The following SRGAP1 variants were observed in gnomAD, a reference collection of about 807,000 sequenced individuals.
SRGAP1 encodes SLIT-ROBO Rho GTPase activating protein 1.
In SRGAP1, 43 loss-of-function variants were observed where a neutral mutation model predicts 121.9. The observed-to-expected ratio is 0.35, with a 90% CI of 0.28 to 0.46. The LOEUF (loss-of-function observed/expected upper bound fraction) is 0.46. SRGAP1 is among the 20% of genes least tolerant of loss of function. SRGAP1 has a pLI of 1.00. For missense variants in SRGAP1, 1,102 were observed against 1,350.9 expected (o/e 0.82, Z 2.89); for synonymous variants, 447 against 485.4 (o/e 0.92, Z 1.04).
At chr12:64,125,691 AT>A (rs992870975) in intron 18 of SRGAP1, among the ~76,000 whole-genome samples, 11 of 151,186 alleles carry the variant, frequency 7.3e-5, no homozygotes, top group African/African-American at 1.2e-4. Flanking sequence ...AGTTTAAAGT[AT>A]TTTTTTTTGA....
intron 1 of SRGAP1, among the ~76,000 whole-genome samples, chr12:63,894,130 C>T (rs977747235): frequency 7.9e-5 from 12 of 152,220 alleles, no homozygotes; most frequent in Non-Finnish European, 1.2e-4. Flanking sequence ...TGAGCCACTA[C>T]GCCCGGTGCC....
chr12:64,134,164 A>G (rs1049645875), intron 21 of SRGAP1, among the ~76,000 whole-genome samples: 2 of 152,054 alleles, frequency 1.3e-5, no homozygotes, highest in Non-Finnish European at 2.9e-5. Flanking sequence ...GCTCATGCCT[A>G]TAATCTCAGC....
chr12:64,108,171 T>G (rs1410801693), intron 15 of SRGAP1, among the ~76,000 whole-genome samples: 1 of 152,184 alleles, frequency 6.6e-6, no homozygotes, highest in African/African-American at 2.4e-5. Context: ...TAATGTGTTG[T>G]AGTAGTAACC....
rs116329004 is a variant in SRGAP1, at chr12:63,957,295, G to A, written c.68-26652G>A. Among the ~76,000 whole-genome samples, 422 of 152,296 alleles carry A rather than the reference G, an allele frequency of 2.8e-3. 1 individual carries two copies. Among genetic ancestry groups the A allele is most frequent in the African/African-American group, 9.6e-3 (400 of 41,572 alleles). The stretch of plus-strand genomic sequence containing the variant: ...AAGACCTGGACATCAGCAGGTCAGC[G>A]CCAGTGAGCTTCCTGGGCTTCTGCC... On this transcript the variant is annotated intron_variant, in intron 1 of 21. Transcript: ENST00000355086.
chr12:63,978,285 G>T (rs1373904004), intron 1 of SRGAP1, among the ~76,000 whole-genome samples: 1 of 152,154 alleles, frequency 6.6e-6, no homozygotes, highest in Non-Finnish European at 1.5e-5. Context: ...GCATATGCCA[G>T]GTTTTGCGAC....
chr12:63,854,789 G>GT (rs1452748298), intron 1 of SRGAP1, among the ~76,000 whole-genome samples: 2 of 152,082 alleles, frequency 1.3e-5, no homozygotes, highest in African/African-American at 4.8e-5. Context: ...ATTATTTATA[G>GT]TTTTTTTGCT....
chr12:63,896,511 C>A (rs910979839), intron 1 of SRGAP1, among the ~76,000 whole-genome samples: 1 of 152,100 alleles, frequency 6.6e-6, no homozygotes, highest in African/African-American at 2.4e-5. Context: ...AATACACAGG[C>A]ATAAGGCAGA....
chr12:64,079,822 C>T (rs2035803877), intron 9 of SRGAP1, among the ~76,000 whole-genome samples: 1 of 152,000 alleles, frequency 6.6e-6, no homozygotes, highest in Admixed American at 6.6e-5. Flanking sequence ...TCCTAGGCTC[C>T]CAAGGGTTGG....
intron 1 of SRGAP1, among the ~76,000 whole-genome samples, chr12:63,933,211 A>C (rs2031542292): frequency 6.6e-6 from 1 of 152,126 alleles, no homozygotes; most frequent in Admixed American, 6.6e-5. Flanking sequence ...ATGCACATGT[A>C]TCCTAAAACT....
chr12:64,032,173 C>G (rs1373475270), intron 4 of SRGAP1, among the ~76,000 whole-genome samples: 1 of 152,158 alleles, frequency 6.6e-6, no homozygotes, highest in Non-Finnish European at 1.5e-5. Flanking sequence ...AAACAGAACT[C>G]TCCCTGGGAC....
At chr12:63,850,176 A>G (rs1309173627) in intron 1 of SRGAP1, among the ~76,000 whole-genome samples, 1 of 152,208 alleles carries the variant, frequency 6.6e-6, no homozygotes, top group Non-Finnish European at 1.5e-5. Flanking sequence ...CGCTACTGCA[A>G]CAAGGCCTTT....
At chr12:63,845,328 G>C (rs998481434) in intron 1 of SRGAP1, among the ~76,000 whole-genome samples, 1 of 152,126 alleles carries the variant, frequency 6.6e-6, no homozygotes, top group Non-Finnish European at 1.5e-5. Flanking sequence ...GCCTCATTGA[G>C]TGCAGGCTAT....
chr12:64,140,460 C>A (rs1402445336), intron 21 of SRGAP1, among the ~76,000 whole-genome samples: 8 of 148,708 alleles, frequency 5.4e-5, no homozygotes, highest in Non-Finnish European at 9.0e-5. Flanking sequence ...TCCTTCACAT[C>A]CCTTGTAAGT....
intron 18 of SRGAP1, among the ~76,000 whole-genome samples, chr12:64,117,601 C>G (rs955009949): frequency 6.6e-6 from 1 of 151,924 alleles, no homozygotes; most frequent in South Asian, 2.1e-4. Context: ...ATAAATAATT[C>G]TCCTATATTC....
intron 1 of SRGAP1, among the ~76,000 whole-genome samples, chr12:63,894,592 A>G (rs972076126): frequency 4.0e-5 from 6 of 151,744 alleles, no homozygotes; most frequent in Admixed American, 2.6e-4. Context: ...CATTTACATT[A>G]GTTATATCTC....
intron 1 of SRGAP1, among the ~76,000 whole-genome samples, chr12:63,925,845 CT>C (rs1026662543): frequency 6.6e-6 from 1 of 152,178 alleles, no homozygotes; most frequent in Non-Finnish European, 1.5e-5. Context: ...CCACTTTCCC[CT>C]AACCCAGCCA....
intron 1 of SRGAP1, among the ~76,000 whole-genome samples, chr12:63,857,405 G>A (rs913594292): frequency 1.1e-4 from 16 of 139,558 alleles, no homozygotes; most frequent in African/African-American, 2.9e-4. Flanking sequence ...TTTTTGAGAC[G>A]AAGTCTTGCT....
At chr12:63,853,316 C>T (rs569017128) in intron 1 of SRGAP1, among the ~76,000 whole-genome samples, 79 of 152,104 alleles carry the variant, frequency 5.2e-4, no homozygotes, top group South Asian at 6.2e-4. Flanking sequence ...CCACCGCACC[C>T]GGCCTATTAC....
At chr12:63,986,191 C>T (rs2033409505) in intron 2 of SRGAP1, among the ~76,000 whole-genome samples, 1 of 151,384 alleles carries the variant, frequency 6.6e-6, no homozygotes, top group African/African-American at 2.4e-5. Context: ...TCTTCTCTCT[C>T]TTTCTCTCTC....
Sources: gnomAD v4.1 joint callset for allele counts (sites outside exome capture counted in the v4.1 genomes callset) on GRCh38, gnomAD v4.1.1 for gene constraint, MANE v1.5 for transcripts, NCBI Gene and HGNC (gene_info 2026-07-23, HGNC 2026-07-21) for gene names.